Variants in OPCML observed in about 807,000 individuals in gnomAD.
The protein encoded by OPCML is opioid binding protein/cell adhesion molecule like, also known as opioid-binding protein/cell adhesion molecule.
In OPCML, 13 loss-of-function variants were observed where a neutral mutation model predicts 37.8. The observed-to-expected ratio is 0.34, with a 90% CI of 0.22 to 0.55. OPCML has a LOEUF of 0.55. Among genes scored for constraint, OPCML ranks in the 20% least tolerant of loss-of-function variants. OPCML has a pLI of 0.91. For missense variants in OPCML, 341 were observed against 435.6 expected (o/e 0.78, Z 1.93); for synonymous variants, 176 against 168.8 (o/e 1.04, Z -0.33).
chr11:133,357,174 G>T (rs191762902), intron 1 of OPCML, among the ~76,000 whole-genome samples: 1 of 152,270 alleles, frequency 6.6e-6, no homozygotes, highest in South Asian at 2.1e-4. Flanking sequence ...AGGCATGGTC[G>T]TTGTTAGGAA....
intron 1 of OPCML, 68 bp downstream of exon 1, chr11:133,532,196 C>T: frequency 6.3e-7 from 1 of 1,575,032 alleles, no homozygotes; most frequent in Non-Finnish European, 8.6e-7. Flanking sequence ...CATCTCCCCA[C>T]TGCCTCTCCT....
intron 1 of OPCML, among the ~76,000 whole-genome samples, chr11:133,219,294 T>G (rs1258107750): frequency 6.6e-6 from 1 of 152,228 alleles, no homozygotes; most frequent in Non-Finnish European, 1.5e-5. Context: ...TGGTAGCAAC[T>G]TCATTACAAT....
chr11:133,055,838 G>A (rs1253003329), intron 1 of OPCML, among the ~76,000 whole-genome samples: 3 of 151,180 alleles, frequency 2.0e-5, no homozygotes, highest in Non-Finnish European at 2.9e-5. Flanking sequence ...CCATGAGGGA[G>A]CCGCCTCTAC....
chr11:133,226,457 C>A (rs1346962002), intron 1 of OPCML, among the ~76,000 whole-genome samples: 1 of 152,342 alleles, frequency 6.6e-6, no homozygotes, highest in South Asian at 2.1e-4. Context: ...CTCCTCCCAA[C>A]CTCTTTCTTG....
At chr11:132,505,712 C>A (rs571544260) in intron 4 of OPCML, among the ~76,000 whole-genome samples, 1 of 152,170 alleles carries the variant, frequency 6.6e-6, no homozygotes, top group African/African-American at 2.4e-5. Flanking sequence ...GAATTTCAAA[C>A]CTGAGCAGCT....
chr11:132,436,075 C>T lies in OPCML; in HGVS notation c.916+11G>A. The T allele has an allele frequency of 1.2e-6, 2 of 1,610,864 alleles. No homozygotes were observed. The highest frequency in any genetic ancestry group is 8.5e-7 in the Non-Finnish European group (1 of 1,178,006). Reference sequence around the variant, plus strand: ...GGCTGAGCCCACTGCATCCAGGCTTCCAGCACTCACCATACAATGTGATGC... The same window carrying T: ...GGCTGAGCCCACTGCATCCAGGCTTTCAGCACTCACCATACAATGTGATGC... On this transcript the variant is annotated intron_variant, in intron 7 of 7. Coordinates refer to ENST00000524381, the MANE Select transcript of OPCML (RefSeq NM_001012393.5).
intron 1 of OPCML, among the ~76,000 whole-genome samples, chr11:133,130,336 G>A (rs1949583720): frequency 6.6e-6 from 1 of 152,100 alleles, no homozygotes; most frequent in African/African-American, 2.4e-5. Context: ...AAATATACAT[G>A]TAAATTGAGT....
At chr11:133,072,881 C>A (rs1383456636) in intron 1 of OPCML, among the ~76,000 whole-genome samples, 4 of 152,202 alleles carry the variant, frequency 2.6e-5, no homozygotes, top group African/African-American at 9.6e-5. Flanking sequence ...ACTGGGACAG[C>A]ACATCTCAGC....
chr11:133,391,602 A>G (rs7114186), intron 1 of OPCML, among the ~76,000 whole-genome samples: 71,628 of 152,046 alleles, frequency 0.47, 19,567 homozygotes, highest in African/African-American at 0.77. Flanking sequence ...ACGCGTTCCA[A>G]GCATGCACTT....
intron 1 of OPCML, among the ~76,000 whole-genome samples, chr11:133,081,095 G>C (rs7118991): frequency 0.17 from 26,533 of 152,120 alleles, 2,672 homozygotes; most frequent in African/African-American, 0.27. Flanking sequence ...AATCAATGTA[G>C]CTATTCCTTG....
At chr11:133,191,541 G>T (rs1356337741) in intron 1 of OPCML, among the ~76,000 whole-genome samples, 1 of 148,106 alleles carries the variant, frequency 6.8e-6, no homozygotes, top group African/African-American at 2.5e-5. Context: ...GTGTGTGACG[G>T]AGTTTCACTC....
chr11:132,946,034 G>A (rs1175237675), intron 1 of OPCML, among the ~76,000 whole-genome samples: 2 of 152,224 alleles, frequency 1.3e-5, no homozygotes, highest in African/African-American at 2.4e-5. Context: ...CACCCGCCTC[G>A]GCCTCCCAAA....
chr11:133,085,369 G>C lies in OPCML; in HGVS notation c.62-142359C>G, dbSNP rs116978871. On this transcript the variant is annotated intron_variant, in intron 1 of 7. Transcript: ENST00000524381. ...CTCTGCCACAGCCATGTTACACACA[G>C]CTCTGTGTTTTAATTAGCTGTGTGC... Among the ~76,000 whole-genome samples the C allele has an allele frequency of 3.7e-3, 562 of 152,264 alleles. 3 individuals are homozygous for C. The highest frequency in any genetic ancestry group is 6.5e-3 in the Non-Finnish European group (442 of 68,018).
intron 1 of OPCML, among the ~76,000 whole-genome samples, chr11:133,270,780 G>C (rs573335100): frequency 6.6e-6 from 1 of 152,254 alleles, no homozygotes; most frequent in African/African-American, 2.4e-5. Context: ...CGACACGTGT[G>C]ACTCATTCCA....
intron 1 of OPCML, among the ~76,000 whole-genome samples, chr11:133,044,947 A>T (rs1947979288): frequency 4.6e-5 from 7 of 152,204 alleles, no homozygotes; most frequent in Admixed American, 4.6e-4. Flanking sequence ...TCAGAAGATG[A>T]TCTGGAACCT....
At chr11:133,242,670 A>C (rs1362576060) in intron 1 of OPCML, among the ~76,000 whole-genome samples, 6 of 152,274 alleles carry the variant, frequency 3.9e-5, no homozygotes, top group African/African-American at 1.4e-4. Flanking sequence ...TCCTTTCTCC[A>C]AATACTGTCA....
chr11:133,240,181 A>G (rs1212972736), intron 1 of OPCML, among the ~76,000 whole-genome samples: 5 of 136,566 alleles, frequency 3.7e-5, no homozygotes, highest in Non-Finnish European at 7.7e-5. Context: ...CTCCTCTAGA[A>G]TGGACTGAAT....
intron 1 of OPCML, among the ~76,000 whole-genome samples, chr11:133,018,967 G>C (rs1195438489): frequency 6.6e-6 from 1 of 152,202 alleles, no homozygotes; most frequent in Non-Finnish European, 1.5e-5. Flanking sequence ...TGTGGAGTGA[G>C]CTTGAACAGA....
intron 1 of OPCML, among the ~76,000 whole-genome samples, chr11:133,190,500 C>G (rs1023139097): frequency 1.3e-5 from 2 of 152,132 alleles, no homozygotes; most frequent in African/African-American, 4.8e-5. Context: ...ACATACAATT[C>G]ACTCATTCAA....
Sources: gnomAD v4.1 joint callset for allele counts (sites outside exome capture counted in the v4.1 genomes callset) on GRCh38, gnomAD v4.1.1 for gene constraint, MANE v1.5 for transcripts, NCBI Gene and HGNC (gene_info 2026-07-23, HGNC 2026-07-21) for gene names.